The following PMEPA1 variants were observed in gnomAD, a reference collection of about 807,000 sequenced individuals.
PMEPA1 encodes prostate transmembrane protein, androgen induced 1.
PMEPA1 carries 11 observed loss-of-function variants against 23.0 expected under a neutral mutation model. The observed-to-expected ratio is 0.48, with a 90% CI of 0.30 to 0.79. The LOEUF is 0.79. PMEPA1 is among the 30% of genes least tolerant of loss of function. The pLI, the probability that PMEPA1 is intolerant of heterozygous loss-of-function variation, is 0.06. For missense variants in PMEPA1, 377 were observed against 390.9 expected (o/e 0.96, Z 0.30); for synonymous variants, 204 against 166.4 (o/e 1.23, Z -1.74).
intron 2 of PMEPA1, among the ~76,000 whole-genome samples, chr20:57,658,415 C>T (rs1293342775): frequency 1.3e-5 from 2 of 152,212 alleles, no homozygotes; most frequent in African/African-American, 2.4e-5. Flanking sequence ...CTCCTGTCTG[C>T]GCCCATCCAA....
Position 57,652,922 on chromosome 20 carries a change from G to T in PMEPA1, c.318+111C>A. On this transcript the variant is annotated intron_variant, in intron 3 of 3. Coordinates refer to ENST00000341744, the MANE Select transcript of PMEPA1 (RefSeq NM_020182.5). The surrounding 1 kb of genome is among the most constrained non-coding windows in gnomAD (Gnocchi z 6.1). Reference sequence around the variant, plus strand: ...GGAGGATCCCAGCAGCAAGGGCACTGCAGAGGAGGGCGGAGGGGTGAGCCT... The same window carrying T: ...GGAGGATCCCAGCAGCAAGGGCACTTCAGAGGAGGGCGGAGGGGTGAGCCT... 1.1e-6 allele frequency: 1 copy of T among 920,210 alleles called. No homozygotes were observed. The highest frequency in any genetic ancestry group is 1.7e-6 in the Non-Finnish European group (1 of 578,780). 57.0% of individuals were successfully genotyped at this position (920,210 alleles called of 1,614,324 possible).
At chr20:57,706,848 T>A (rs1266498937) in intron 1 of PMEPA1, among the ~76,000 whole-genome samples, 3 of 152,050 alleles carry the variant, frequency 2.0e-5, no homozygotes, top group African/African-American at 7.3e-5. Flanking sequence ...TCCTCTCAGG[T>A]CTGAAATTTG....
Position 57,709,875 on chromosome 20 carries a change from G to C in PMEPA1, c.-293C>G, listed in dbSNP as rs1309706474. The stretch of plus-strand genomic sequence containing the variant: ...TGGCAGCGGGGCGCGCGCTGCCGCC[G>C]GGGCTGAGCCTCTGCCGCTAGCTTT... On this transcript the variant is annotated 5_prime_UTR_variant, in exon 1 of 4. Transcript: ENST00000341744. The C allele has an allele frequency of 6.0e-6, 6 of 994,952 alleles. No homozygotes were observed. Among genetic ancestry groups the C allele is most frequent in the African/African-American group, 5.3e-5 (3 of 57,002 alleles). The allele number at this position is 994,952 out of a possible 1,614,324, so 61.6% of individuals were successfully genotyped here.
In PMEPA1 at chr20:57,652,997, T is replaced by TG; in HGVS notation, c.318+35dup. The TG allele has an allele frequency of 6.4e-7, 1 of 1,552,286 alleles. No individual in the cohort carries two copies. Among genetic ancestry groups the TG allele is most frequent in the Non-Finnish European group, 8.8e-7 (1 of 1,136,958 alleles). On this transcript the variant is annotated intron_variant, in intron 3 of 3. Coordinates refer to ENST00000341744, the MANE Select transcript of PMEPA1 (RefSeq NM_020182.5). This position sits in a 1 kb window ranked among gnomAD's most constrained non-coding sequence, Gnocchi z 6.1. ...GCAGCGGGAGCAGCCCAGGGTGGGA[T>TG]GGGGGTGTTGGAGGGGAGGCCGAGG... is the stretch of plus-strand genomic sequence containing the variant.
At chr20:57,676,369 A>G (rs1213652446) in intron 1 of PMEPA1, among the ~76,000 whole-genome samples, 2 of 152,254 alleles carry the variant, frequency 1.3e-5, no homozygotes, top group Non-Finnish European at 2.9e-5. Flanking sequence ...CAGCAAGTGC[A>G]TAATAAATGG....
chr20:57,664,652 C>G (rs73302950), intron 1 of PMEPA1, among the ~76,000 whole-genome samples: 1 of 152,188 alleles, frequency 6.6e-6, no homozygotes, highest in Non-Finnish European at 1.5e-5. Context: ...AGATGCCTCG[C>G]GGGCAAGGGA....
chr20:57,670,566 C>CCCGT (rs1406071293), intron 1 of PMEPA1, among the ~76,000 whole-genome samples: 1 of 152,156 alleles, frequency 6.6e-6, no homozygotes, highest in Non-Finnish European at 1.5e-5. Flanking sequence ...CCTGCAATGC[C>CCCGT]CCGTCGGCCT....
chr20:57,660,122 C>G (rs895378809), intron 1 of PMEPA1, among the ~76,000 whole-genome samples: 2 of 152,148 alleles, frequency 1.3e-5, no homozygotes, highest in East Asian at 3.8e-4. Flanking sequence ...AAGGCTCGGG[C>G]AGACGGTCAC....
chr20:57,659,660 C>T lies in PMEPA1; in HGVS notation c.147G>A (p.Val49=), dbSNP rs899672571. The part of the protein sequence containing the change: ...LEFVQIIIIV[V]VMMVMVVVIT... ...TCACCACCACCATCACCATCATCAC[C>T]ACCACGATGATGATGATCTGAACAA... The change falls in exon 2 of 4, where the codon GTG becomes GTA. Residue 49 remains valine, a synonymous_variant. Transcript: ENST00000341744. 5.6e-6 allele frequency: 9 copies of T among 1,602,780 alleles called. No homozygotes were observed. Among genetic ancestry groups the T allele is most frequent in the Non-Finnish European group, 7.7e-6 (9 of 1,174,638 alleles).
intron 2 of PMEPA1, 131 bp downstream of exon 2, chr20:57,659,412 C>T (rs1055461618): frequency 3.9e-5 from 38 of 986,510 alleles, no homozygotes; most frequent in Non-Finnish European, 5.1e-5. Context: ...GTCAGGTGGG[C>T]TCCCCAGCCC....
intron 1 of PMEPA1, among the ~76,000 whole-genome samples, 196 bp downstream of exon 1, chr20:57,709,278 C>T (rs1441742551): frequency 6.8e-6 from 1 of 147,644 alleles, no homozygotes; most frequent in Non-Finnish European, 1.5e-5. Flanking sequence ...GCTCGCAGCG[C>T]CGCGGGACAA....
At chr20:57,668,748 T>G (rs1600640298) in intron 1 of PMEPA1, among the ~76,000 whole-genome samples, 1 of 152,246 alleles carries the variant, frequency 6.6e-6, no homozygotes. Flanking sequence ...TGTGCTCTGT[T>G]CCAGCCACTT....
chr20:57,685,617 G>C (rs527511664), intron 1 of PMEPA1, among the ~76,000 whole-genome samples: 2 of 152,284 alleles, frequency 1.3e-5, no homozygotes, highest in East Asian at 3.9e-4. Context: ...GAGGGGGCTG[G>C]CTGCTCCAGA....
chr20:57,662,073 G>A (rs868668355), intron 1 of PMEPA1, among the ~76,000 whole-genome samples: 26 of 150,372 alleles, frequency 1.7e-4, no homozygotes, highest in Admixed American at 2.6e-4. Flanking sequence ...AGGGCTCAGC[G>A]CGCCATTGTC....
intron 1 of PMEPA1, among the ~76,000 whole-genome samples, chr20:57,689,069 G>C (rs369837688): frequency 1.3e-5 from 2 of 152,366 alleles, no homozygotes; most frequent in East Asian, 3.9e-4. Flanking sequence ...AGCTCTGGGC[G>C]CATGGGCCCG....
At chr20:57,698,210 C>T (rs1041850290) in intron 1 of PMEPA1, among the ~76,000 whole-genome samples, 3 of 152,182 alleles carry the variant, frequency 2.0e-5, no homozygotes, top group African/African-American at 7.2e-5. Flanking sequence ...TAACGATCAA[C>T]AGCAGCAAAT....
intron 2 of PMEPA1, among the ~76,000 whole-genome samples, chr20:57,657,738 C>T (rs531467496): frequency 1.4e-4 from 21 of 152,320 alleles, no homozygotes; most frequent in African/African-American, 4.3e-4. Flanking sequence ...ACAGGCCTTC[C>T]GGCTAGGGAC....
chr20:57,683,495 G>A lies in PMEPA1; in HGVS notation c.110-23798C>T, dbSNP rs1303303316. Among the ~76,000 whole-genome samples the A allele has an allele frequency of 6.6e-6, 1 of 151,288 alleles. No homozygotes were observed. Among genetic ancestry groups the A allele is most frequent in the Non-Finnish European group, 1.5e-5 (1 of 67,970 alleles). ...GGAGCTTCCTGGAGCGAGCAGCCCT[G>A]CATGCATTACGAACTTGCATTACTA... On this transcript the variant is annotated intron_variant, in intron 1 of 3. Transcript: ENST00000341744. The surrounding 1 kb of genome is among the most constrained non-coding windows in gnomAD (Gnocchi z 4.3).
rs1350452539 is a variant in PMEPA1 at position 57,683,924 on chromosome 20, T to TG, written c.110-24228dup. ...ACTCCTGCCTGTGGGCTGTCTGTTTTGGGGGTAGAAATAAAAAGATCTGGC... is the reference window on the plus strand; with the variant it reads ...ACTCCTGCCTGTGGGCTGTCTGTTTTGGGGGGTAGAAATAAAAAGATCTGGC... On this transcript the variant is annotated intron_variant, in intron 1 of 3. Coordinates refer to ENST00000341744, the MANE Select transcript of PMEPA1 (RefSeq NM_020182.5). The surrounding 1 kb of genome is among the most constrained non-coding windows in gnomAD (Gnocchi z 4.3). Among the ~76,000 whole-genome samples, 1 of 152,134 alleles carries TG rather than the reference T, an allele frequency of 6.6e-6. No individual in the cohort carries two copies. The highest frequency in any genetic ancestry group is 2.4e-5 in the African/African-American group (1 of 41,430).
Sources: allele counts gnomAD v4.1 joint callset (sites outside exome capture counted in the v4.1 genomes callset), GRCh38; gene constraint gnomAD v4.1.1; non-coding constraint Gnocchi (gnomAD v3.1); transcripts MANE v1.5; gene names NCBI Gene and HGNC (gene_info 2026-07-23, HGNC 2026-07-21).